CCDC30: variants seen among roughly 807,000 people sequenced by gnomAD.
The protein encoded by CCDC30 is coiled-coil domain containing 30.
CCDC30 carries 70 observed loss-of-function variants against 100.2 expected under a neutral mutation model. The observed-to-expected ratio is 0.70, with a 90% CI of 0.58 to 0.85. The LOEUF is 0.85. Ranked by LOEUF, CCDC30 falls within the 40% of genes least tolerant of loss-of-function variation. The probability of loss-of-function intolerance (pLI) is 0.00; values close to 1 mark genes in which losing one functional copy is unlikely to be tolerated. For missense variants in CCDC30, 652 were observed against 771.2 expected (o/e 0.85, Z 1.83); for synonymous variants, 233 against 269.5 (o/e 0.86, Z 1.33).
upstream of CCDC30, chr1:42,459,767 C>T (rs763038291): frequency 1.2e-6 from 2 of 1,614,028 alleles, no homozygotes; most frequent in African/African-American, 2.7e-5. Flanking sequence ...TGGCTAATAT[C>T]CTTGAGTCAC....
intron 10 of CCDC30, among the ~76,000 whole-genome samples, chr1:42,599,740 A>G (rs1646364667): frequency 1.3e-5 from 2 of 152,228 alleles, no homozygotes; most frequent in Non-Finnish European, 2.9e-5. Flanking sequence ...AACATTAATC[A>G]AAAGAAAGTG....
intron 6 of CCDC30, among the ~76,000 whole-genome samples, chr1:42,527,968 T>A (rs1479749275): frequency 6.6e-6 from 1 of 152,008 alleles, no homozygotes; most frequent in Non-Finnish European, 1.5e-5. Flanking sequence ...CGGGTTCAAG[T>A]GATTCTCCTG....
rs542215712 is a variant in CCDC30, at chr1:42,562,033, A to C, written c.457-4263A>C. On this transcript the variant is annotated intron_variant, in intron 6 of 16. Transcript: ENST00000668663. ...TATCAGGAAAATGGCCATACTGACC[A>C]AAGTAATTTATAGATGCAATGCTAT... 6.6e-5 allele frequency among the ~76,000 whole-genome samples: 10 copies of C among 152,360 alleles called. No individual in the cohort carries two copies. The South Asian group carries it at 2.1e-3, about 32-fold the overall frequency.
chr1:42,542,389 A>G (rs1472206187), intron 6 of CCDC30, among the ~76,000 whole-genome samples: 3 of 151,596 alleles, frequency 2.0e-5, no homozygotes, highest in Admixed American at 6.6e-5. Context: ...TTTTTCTGAG[A>G]TGAGGTCTCT....
chr1:42,654,023 C>T (rs758900536), exon 17 of CCDC30: 1 of 1,611,618 alleles, frequency 6.2e-7, no homozygotes, highest in Non-Finnish European at 8.5e-7. Flanking sequence ...AAAGTCAGAA[C>T]TATAAAATCA....
chr1:42,553,308 C>A (rs1417630943), intron 6 of CCDC30, among the ~76,000 whole-genome samples: 1 of 152,032 alleles, frequency 6.6e-6, no homozygotes, highest in East Asian at 1.9e-4. Flanking sequence ...AAACTCACAG[C>A]CATGTCGTTC....
chr1:42,532,217 C>T (rs781168943), intron 6 of CCDC30, among the ~76,000 whole-genome samples: 4 of 152,174 alleles, frequency 2.6e-5, no homozygotes, highest in Non-Finnish European at 5.9e-5. Flanking sequence ...AAATAGAAAG[C>T]TGTGGGTCTT....
chr1:42,465,128 T>C (rs1416570467), intron 1 of CCDC30, among the ~76,000 whole-genome samples: 1 of 152,102 alleles, frequency 6.6e-6, no homozygotes, highest in Non-Finnish European at 1.5e-5. Flanking sequence ...TGGGCAAACA[T>C]GGCAAAAACC....
At chr1:42,484,157 A>T (rs1226439032) in intron 3 of CCDC30, among the ~76,000 whole-genome samples, 1 of 152,118 alleles carries the variant, frequency 6.6e-6, no homozygotes, top group African/African-American at 2.4e-5. Flanking sequence ...TCAGGATGTA[A>T]ATTTTTTATA....
chr1:42,477,185 C>T (rs1231943641), intron 1 of CCDC30, among the ~76,000 whole-genome samples: 2 of 151,926 alleles, frequency 1.3e-5, no homozygotes, highest in Non-Finnish European at 2.9e-5. Flanking sequence ...TGCCACACTG[C>T]AAGAAACAGA....
At chr1:42,545,889 C>T (rs746628786) in intron 6 of CCDC30, among the ~76,000 whole-genome samples, 12 of 151,056 alleles carry the variant, frequency 7.9e-5, no homozygotes, top group South Asian at 2.1e-4. Context: ...GGTTGTAGTG[C>T]GCCATGATTG....
At chr1:42,641,629 G>A (rs1318370906) in intron 12 of CCDC30, among the ~76,000 whole-genome samples, 1 of 152,088 alleles carries the variant, frequency 6.6e-6, no homozygotes, top group East Asian at 1.9e-4. Context: ...ACCTTTGGGA[G>A]GCCTAGGCGG....
At chr1:42,470,787 C>T (rs571948414) in intron 1 of CCDC30, among the ~76,000 whole-genome samples, 1 of 152,182 alleles carries the variant, frequency 6.6e-6, no homozygotes, top group South Asian at 2.1e-4. Context: ...AATAGAGATT[C>T]CCAGGGCCTG....
chr1:42,514,352 A>G (rs1644523044), intron 6 of CCDC30, among the ~76,000 whole-genome samples: 1 of 152,172 alleles, frequency 6.6e-6, no homozygotes, highest in South Asian at 2.1e-4. Context: ...ACTATTTTAC[A>G]TCTCATCAGC....
chr1:42,546,474 T>C (rs1399225289), intron 6 of CCDC30, among the ~76,000 whole-genome samples: 7 of 144,646 alleles, frequency 4.8e-5, no homozygotes, highest in Non-Finnish European at 7.5e-5. Flanking sequence ...TATATATCCT[T>C]TTATTAGAAG....
chr1:42,587,428 T>A (rs879338076), intron 9 of CCDC30, among the ~76,000 whole-genome samples: 1 of 152,004 alleles, frequency 6.6e-6, no homozygotes, highest in African/African-American at 2.4e-5. Context: ...AAATTGAGAG[T>A]GGAACCAAAA....
intron 6 of CCDC30, chr1:42,537,033 T>A (rs1372958460): frequency 2.7e-6 from 1 of 364,928 alleles, no homozygotes; most frequent in African/African-American, 2.1e-5. Flanking sequence ...GTTTCAACAA[T>A]ATGAATAGGG....
In CCDC30 at chr1:42,504,136, G is replaced by A. The variant is rs183345258; in HGVS notation, c.456+5220G>A. Among the ~76,000 whole-genome samples the A allele has an allele frequency of 2.6e-5, 4 of 152,370 alleles. No individual in the cohort carries two copies. In the East Asian group the frequency reaches 7.7e-4, roughly 29 times the overall value. ...TAGGTTGGGCTAGTTAACTGCAGCA[G>A]GAGCATGTCCTTAAGGCACAGATCG... On this transcript the variant is annotated intron_variant, in intron 6 of 16. Coordinates refer to ENST00000668663, the Ensembl canonical transcript of CCDC30.
intron 10 of CCDC30, chr1:42,590,616 A>G (rs2148608665): frequency 6.6e-6 from 1 of 152,336 alleles, no homozygotes; most frequent in Middle Eastern, 3.4e-3. Context: ...ATGGACCTGT[A>G]GTACCAGCTA....
Sources: gnomAD v4.1 joint callset for allele counts (sites outside exome capture counted in the v4.1 genomes callset) on GRCh38, gnomAD v4.1.1 for gene constraint, MANE v1.5 for transcripts, NCBI Gene and HGNC (gene_info 2026-07-23, HGNC 2026-07-21) for gene names.